The following CPD variants were observed in gnomAD, a reference collection of about 807,000 sequenced individuals.
CPD encodes metallocarboxypeptidase D.
CPD carries 69 observed loss-of-function variants against 138.3 expected under a neutral mutation model. The ratio of observed to expected loss-of-function variants is 0.50; its 90% CI spans 0.41 to 0.61. CPD has a LOEUF of 0.61. Ranked by LOEUF, CPD falls within the 20% of genes least tolerant of loss-of-function variation. CPD has a pLI of 0.00. For missense variants in CPD, 1,432 were observed against 1,733.3 expected, an observed-to-expected ratio of 0.83 and a Z score of 3.09; for synonymous variants, 651 against 642.1, an observed-to-expected ratio of 1.01 and a Z score of -0.21.
At chr17:30,414,154 C>T (rs1263556953) in intron 2 of CPD, among the ~76,000 whole-genome samples, 1 of 152,154 alleles carries the variant, frequency 6.6e-6, no homozygotes, top group Non-Finnish European at 1.5e-5. Context: ...GAGTGAAATA[C>T]GGGGAGTCTC....
intron 20 of CPD, among the ~76,000 whole-genome samples, chr17:30,463,773 TA>T (rs1310752839): frequency 6.6e-6 from 1 of 152,196 alleles, no homozygotes; most frequent in Non-Finnish European, 1.5e-5. Flanking sequence ...GTGGTGTGTT[TA>T]AAGGGTTCTT....
Position 30,446,036 on chromosome 17 carries a change from T to C in CPD, c.2873+16T>C. 3 of 1,544,084 alleles carry C rather than the reference T, an allele frequency of 1.9e-6. No homozygotes were observed. The highest frequency in any genetic ancestry group is 2.6e-6 in the Non-Finnish European group (3 of 1,142,760). ...ATCTTACCAAGTAAGTGTCACTTTCTATTGTCTTTTTTTTTTTTTCAAGAC... is the reference window on the plus strand; with the variant it reads ...ATCTTACCAAGTAAGTGTCACTTTCCATTGTCTTTTTTTTTTTTTCAAGAC... On this transcript the variant is annotated intron_variant, in intron 12 of 20. Coordinates refer to ENST00000225719, the MANE Select transcript of CPD (RefSeq NM_001304.5).
chr17:30,422,622 G>C (rs952369607), intron 4 of CPD, 52 bp from the exon 5 acceptor site: 73 of 1,198,414 alleles, frequency 6.1e-5, no homozygotes, highest in Non-Finnish European at 8.1e-5. Flanking sequence ...TAATATTAAA[G>C]CATTGTATGT....
At chr17:30,420,588 T>G (rs191050090) in intron 2 of CPD, among the ~76,000 whole-genome samples, 53 of 152,352 alleles carry the variant, frequency 3.5e-4, no homozygotes, top group African/African-American at 1.1e-3. Flanking sequence ...ACTGATATAT[T>G]CATACTTTTT....
chr17:30,416,790 C>T (rs1301402085), intron 2 of CPD, among the ~76,000 whole-genome samples: 3 of 152,184 alleles, frequency 2.0e-5, no homozygotes, highest in Admixed American at 2.0e-4. Context: ...CAATCACTAG[C>T]TGTATCACAT....
At chr17:30,393,675 T>C (rs532142307) in intron 2 of CPD, among the ~76,000 whole-genome samples, 1 of 152,202 alleles carries the variant, frequency 6.6e-6, no homozygotes, top group East Asian at 1.9e-4. Flanking sequence ...AATGAACGCG[T>C]ACAGAATACT....
chr17:30,384,466 G>A (rs1212342158), intron 1 of CPD, among the ~76,000 whole-genome samples: 5 of 152,086 alleles, frequency 3.3e-5, no homozygotes, highest in Non-Finnish European at 5.9e-5. Flanking sequence ...AATACAAGTC[G>A]TAGACTGAAC....
intron 2 of CPD, among the ~76,000 whole-genome samples, chr17:30,414,100 C>T (rs1421741776): frequency 1.3e-5 from 2 of 152,216 alleles, no homozygotes; most frequent in Admixed American, 6.5e-5. Context: ...GGGATCAAAT[C>T]ATACAGGGCC....
chr17:30,455,619 C>T, intron 15 of CPD, 149 bp downstream of exon 15: 1 of 763,578 alleles, frequency 1.3e-6, no homozygotes, highest in Non-Finnish European at 2.0e-6. Context: ...GTACATACAT[C>T]AGCAGTTCAG....
Position 30,439,026 on chromosome 17 carries a change from G to T in CPD, c.2179G>T (p.Glu727Ter). The change falls in exon 9 of 21, where the codon GAA (glutamate) becomes TAA (stop). Residue 727 changes from glutamate to a stop codon, truncating the protein, a stop_gained. Coordinates refer to ENST00000225719, the MANE Select transcript of CPD (RefSeq NM_001304.5). LOFTEE classifies it high-confidence loss of function. ...GRPCKNMYPN[E>*]YFPHGITNGA... The stretch of plus-strand genomic sequence containing the variant: ...ACCTTGCAAGAATATGTATCCTAAT[G>T]AATATTTTCCTCATGGAATAACAAA... 6.3e-7 allele frequency: 1 copy of T among 1,589,778 alleles called. No individual in the cohort carries two copies. The highest frequency in any genetic ancestry group is 1.2e-5 in the South Asian group (1 of 85,672).
rs1389511756 is a variant in CPD, at chr17:30,445,823, T to C, written c.2676T>C (p.Asn892=). 6.2e-7 allele frequency: 1 copy of C among 1,614,124 alleles called. No homozygotes were observed. Among genetic ancestry groups the C allele is most frequent in the Admixed American group, 1.7e-5 (1 of 59,968 alleles). The change falls in exon 12 of 21, where the codon AAT becomes AAC. Residue 892 remains asparagine, a synonymous_variant. Coordinates refer to ENST00000225719, the MANE Select transcript of CPD (RefSeq NM_001304.5). ...GAAAAGGGGCTAGCAGCAGCACCAA[T>C]GATGCCAGTGATCCAACTACTAAAG... is the stretch of plus-strand genomic sequence containing the variant. The part of the protein sequence containing the change: ...KKGKGASSST[N]DASDPTTKEF...
At chr17:30,401,458 C>A (rs1208863923) in intron 2 of CPD, among the ~76,000 whole-genome samples, 1 of 151,018 alleles carries the variant, frequency 6.6e-6, no homozygotes, top group African/African-American at 2.4e-5. Flanking sequence ...TCTTCTTCTT[C>A]TTCCTCTTCT....
chr17:30,413,142 C>T (rs1238366492), intron 2 of CPD, among the ~76,000 whole-genome samples: 2 of 152,102 alleles, frequency 1.3e-5, no homozygotes, highest in East Asian at 3.8e-4. Flanking sequence ...TAATCCCTTA[C>T]ACACAACGAC....
At chr17:30,439,109 C>T (rs779281683) in intron 9 of CPD, 32 bp downstream of exon 9, 1 of 1,226,610 alleles carries the variant, frequency 8.2e-7, no homozygotes, top group Non-Finnish European at 1.2e-6. Flanking sequence ...GGCCTTACAA[C>T]TTGATGGCCT....
intron 2 of CPD, among the ~76,000 whole-genome samples, chr17:30,414,252 G>T (rs954389168): frequency 6.6e-6 from 1 of 152,144 alleles, no homozygotes; most frequent in African/African-American, 2.4e-5. Context: ...ATATAAAACG[G>T]CAAGGGCAGG....
Position 30,467,304 on chromosome 17 carries a change from C to T in CPD, c.*2490C>T, listed in dbSNP as rs1913669080. On this transcript the variant is annotated 3_prime_UTR_variant, in exon 21 of 21. Transcript: ENST00000225719. ...GGTGATCAGTTTGTAAGCCTTCTTC[C>T]TTCCCAGCTCCTTAATAAAAGCAAA... The T allele has an allele frequency of 2.0e-5, 3 of 152,564 alleles. No individual in the cohort carries two copies. The South Asian group carries it at 6.2e-4, about 32-fold the overall frequency. 9.5% of individuals were successfully genotyped at this position (152,564 alleles called of 1,614,324 possible).
At chr17:30,412,193 A>T (rs1382059996) in intron 2 of CPD, among the ~76,000 whole-genome samples, 2 of 150,774 alleles carry the variant, frequency 1.3e-5, no homozygotes, top group African/African-American at 5.0e-5. Context: ...TGGAGGCTGC[A>T]GAACAGCAAA....
chr17:30,445,925 G>C lies in CPD; in HGVS notation c.2778G>C (p.Leu926=). ...TCATGTTACGCTCCTCCTCAAATCT[G>C]GCTCTGGCTCTTTATCGATACCATT... is the stretch of plus-strand genomic sequence containing the variant. The part of the protein sequence containing the change: ...ESLMLRSSSN[L]ALALYRYHSY... Residue 926 remains leucine (L), a synonymous_variant, in exon 12 of 21, where the codon CTG becomes CTC. Transcript: ENST00000225719. 6.2e-7 allele frequency: 1 copy of C among 1,614,038 alleles called. No individual in the cohort carries two copies. Among genetic ancestry groups the C allele is most frequent in the South Asian group, 1.1e-5 (1 of 91,084 alleles).
In CPD at chr17:30,464,884, CA is replaced by C; in HGVS notation, c.*71del. ...TACAGTTCCTCTTGGGAGAACACTGCATTAAGAAGAGAGACTCTCTTGCTTC... is the reference window on the plus strand; with the variant it reads ...TACAGTTCCTCTTGGGAGAACACTGCTTAAGAAGAGAGACTCTCTTGCTTC... On this transcript the variant is annotated 3_prime_UTR_variant, in exon 21 of 21. Transcript: ENST00000225719. 2 of 1,184,352 alleles carry C rather than the reference CA, an allele frequency of 1.7e-6. No individual in the cohort carries two copies. The highest frequency in any genetic ancestry group is 1.2e-6 in the Non-Finnish European group (1 of 802,316). 73.4% of individuals were successfully genotyped at this position (1,184,352 alleles called of 1,614,324 possible).
Sources: allele counts gnomAD v4.1 joint callset (sites outside exome capture counted in the v4.1 genomes callset), GRCh38; gene constraint gnomAD v4.1.1; transcripts MANE v1.5; gene names NCBI Gene and HGNC (gene_info 2026-07-23, HGNC 2026-07-21).